The following ZMAT1 variants were observed in gnomAD, a reference collection of about 807,000 sequenced individuals.
ZMAT1 encodes zinc finger matrin-type protein 1.
ZMAT1 carries 11 observed loss-of-function variants against 18.5 expected under a neutral mutation model. The observed-to-expected ratio is 0.59, with a 90% CI of 0.37 to 0.98. The LOEUF is 0.98. Ranked by LOEUF, ZMAT1 falls within the 50% of genes least tolerant of loss-of-function variation. ZMAT1 has a pLI of 0.01. For missense variants in ZMAT1, 525 were observed against 496.2 expected, an observed-to-expected ratio of 1.06 and a Z score of -0.55; for synonymous variants, 211 against 176.4, an observed-to-expected ratio of 1.20 and a Z score of -1.55.
In ZMAT1 at chrX:101,931,761, C is replaced by T; in HGVS notation, c.248G>A (p.Gly83Glu). 3 of 772,612 alleles carry T rather than the reference C, an allele frequency of 3.9e-6. No homozygotes were observed. Among genetic ancestry groups the T allele is most frequent in the Non-Finnish European group, 3.1e-6 (2 of 652,437 alleles). 63.7% of individuals were successfully genotyped at this position (772,612 alleles called of 1,213,427 possible). Reference protein sequence around the residue: ...GGSTMAAAGRGGSSFKVDTRP... With the variant: ...GGSTMAAAGREGSSFKVDTRP... ...GGTGTCTACTTTAAAACTACTGCCC[C>T]CCCTCCCCGCCGCCGCCATAGTGGA... Residue 83 changes from glycine (G) to glutamate (E), a missense_variant, in exon 1 of 6, where the codon GGG becomes GAG. By Grantham distance (98) the Gly-to-Glu change is moderately conservative. Transcript: ENST00000651725.
chrX:101,931,477 T>C, intron 1 of ZMAT1: 3 of 754,394 alleles, frequency 4.0e-6, no homozygotes, highest in Non-Finnish European at 3.1e-6. Flanking sequence ...TGCAATTCTT[T>C]TGCCTGGGGG....
chrX:101,918,484 A>ACACACACACACACAC (rs1556306634), intron 1 of ZMAT1: 4 of 104,772 alleles, frequency 3.8e-5, no homozygotes, highest in Non-Finnish European at 5.8e-5. Context: ...ACACACACAC[A>ACACACACACACACAC]AAAATTAGCT....
chrX:101,915,470 T>C (rs1186420652), intron 1 of ZMAT1: 4 of 111,710 alleles, frequency 3.6e-5, no homozygotes, highest in African/African-American at 1.3e-4. Flanking sequence ...AAGTAAACTA[T>C]TAGAACTGAT....
At chrX:101,894,372 T>C in intron 4 of ZMAT1, 2 of 706,075 alleles carry the variant, frequency 2.8e-6, no homozygotes, top group Non-Finnish European at 1.7e-6. Context: ...GAGAGTAGTA[T>C]TCAGGAGGTA....
intron 1 of ZMAT1, among the ~76,000 whole-genome samples, chrX:101,923,421 C>T (rs146369802): frequency 0.019 from 2,151 of 111,363 alleles, 58 homozygotes; most frequent in African/African-American, 0.067. Flanking sequence ...GGAATATATA[C>T]GGAAGCAAAA....
At chrX:101,930,976 G>C (rs974815562) in intron 1 of ZMAT1, among the ~76,000 whole-genome samples, 2 of 111,876 alleles carry the variant, frequency 1.8e-5, no homozygotes, top group Admixed American at 1.9e-4. Flanking sequence ...AGATGGACCT[G>C]TAAATCTTGC....
At chrX:101,905,991 A>G (rs1276398023) in intron 1 of ZMAT1, among the ~76,000 whole-genome samples, 3 of 111,252 alleles carry the variant, frequency 2.7e-5, no homozygotes, top group African/African-American at 9.8e-5. Flanking sequence ...GTTTTACACT[A>G]TCAGCATCAG....
At chrX:101,929,075 T>A (rs1380787918) in intron 1 of ZMAT1, among the ~76,000 whole-genome samples, 2 of 76,204 alleles carry the variant, frequency 2.6e-5, no homozygotes, top group Admixed American at 2.6e-4. Context: ...ATTTGTAATC[T>A]TTGAAAGCTT....
intron 5 of ZMAT1, among the ~76,000 whole-genome samples, chrX:101,885,110 G>C (rs1926840344): frequency 1.8e-5 from 2 of 110,351 alleles, no homozygotes; most frequent in Non-Finnish European, 3.8e-5. Context: ...CAATTTTTAT[G>C]CAAAAAAGAA....
intron 1 of ZMAT1, among the ~76,000 whole-genome samples, chrX:101,913,785 C>T (rs1308074546): frequency 2.7e-5 from 3 of 111,857 alleles, no homozygotes; most frequent in Non-Finnish European, 5.6e-5. Context: ...GAAAGATCTT[C>T]CAGACAGAAA....
intron 1 of ZMAT1, among the ~76,000 whole-genome samples, chrX:101,931,176 C>T (rs1022650491): frequency 8.9e-6 from 1 of 112,182 alleles, no homozygotes; most frequent in Non-Finnish European, 1.9e-5. Context: ...AAATTTCTAA[C>T]GCCATCTCTC....
At position 101,884,311 on chromosome X, in the gene ZMAT1, T is replaced by C; in HGVS notation, c.1287A>G (p.Pro429=). ...QTYQRPYHIS[P]VESQLPQWLP... is the part of the protein sequence containing the mutation. Reference sequence around the variant, plus strand: ...GCCACTGAGGTAACTGGCTTTCCACTGGTGAAATATGGTATGGTCGTTGGT... The same window carrying C: ...GCCACTGAGGTAACTGGCTTTCCACCGGTGAAATATGGTATGGTCGTTGGT... The change falls in exon 6 of 6, where the codon CCA becomes CCG. Residue 429 remains proline, a synonymous_variant. Coordinates refer to ENST00000651725, the MANE Select transcript of ZMAT1 (RefSeq NM_001394560.1). The C allele has an allele frequency of 8.3e-7, 1 of 1,210,876 alleles. No individual in the cohort carries two copies. Among genetic ancestry groups the C allele is most frequent in the Non-Finnish European group, 1.1e-6 (1 of 895,153 alleles).
chrX:101,921,537 T>C (rs1929725272), intron 1 of ZMAT1, among the ~76,000 whole-genome samples: 1 of 112,057 alleles, frequency 8.9e-6, no homozygotes, highest in South Asian at 3.7e-4. Flanking sequence ...CACAATCACT[T>C]TAATACTGTA....
intron 1 of ZMAT1, among the ~76,000 whole-genome samples, chrX:101,929,571 G>C (rs1257885388): frequency 1.8e-4 from 19 of 108,173 alleles, no homozygotes; most frequent in African/African-American, 3.3e-4. Context: ...AAGTGAAAAG[G>C]TGAGAGAATT....
Position 101,929,462 on chromosome X carries a change from C to CAG in ZMAT1, c.292+2253_292+2254dup, listed in dbSNP as rs1180169221. ...ATATATATATATATATATATACACA[C>CAG]AGAGAGAGAGAGAGAGAGAGAGAGA... is the stretch of plus-strand genomic sequence containing the variant. On this transcript the variant is annotated intron_variant, in intron 1 of 5. Transcript: ENST00000651725. 2.9e-3 allele frequency among the ~76,000 whole-genome samples: 195 copies of CAG among 66,360 alleles called. 4 individuals carry two copies. The East Asian group carries it at 0.039, about 13-fold the overall frequency. 57.6% of individuals were successfully genotyped at this position (66,360 alleles called of 115,157 possible).
In ZMAT1 at chrX:101,884,005, A is replaced by C. The variant is rs144330375; in HGVS notation, c.1593T>G (p.Asp531Glu). Reference sequence around the variant, plus strand: ...TAATAGAATCTAGTCTCTGTTTGCTATCATGAGCTGGTAAGCAATGAGGTA... The same window carrying C: ...TAATAGAATCTAGTCTCTGTTTGCTCTCATGAGCTGGTAAGCAATGAGGTA... Reference protein sequence around the residue: ...NQLPHCLPAHDSKQRLDSISY... With the variant: ...NQLPHCLPAHESKQRLDSISY... Residue 531 changes from aspartate to glutamate, a missense_variant, in exon 6 of 6, where the codon GAT becomes GAG. By Grantham distance (45) the Asp-to-Glu change is conservative. Coordinates refer to ENST00000651725, the MANE Select transcript of ZMAT1 (RefSeq NM_001394560.1). 3.3e-6 allele frequency: 4 copies of C among 1,208,735 alleles called. No individual in the cohort carries two copies. Among genetic ancestry groups the C allele is most frequent in the East Asian group, 5.9e-5 (2 of 33,707 alleles).
chrX:101,914,304 A>G (rs1929154843), intron 1 of ZMAT1, among the ~76,000 whole-genome samples: 1 of 111,178 alleles, frequency 9.0e-6, no homozygotes, highest in African/African-American at 3.3e-5. Context: ...AAAAACAGCA[A>G]AACAACCCCC....
In ZMAT1 at chrX:101,898,343, T is replaced by C. The variant is rs1603277087; in HGVS notation, c.400-123A>G. 5 of 521,013 alleles carry C rather than the reference T, an allele frequency of 9.6e-6. No homozygotes were observed. The Admixed American group carries it at 2.0e-4, about 20-fold the overall frequency. 42.9% of individuals were successfully genotyped at this position (521,013 alleles called of 1,213,427 possible). A position where few individuals can be genotyped will look rare whatever the true frequency, so the allele number is the denominator to read the frequency against. ...ATATTTAGTCAAACTTGGTACAGAC[T>C]CACATGATTTCAAATCTCTAAATGT... On this transcript the variant is annotated intron_variant, in intron 2 of 5. Transcript: ENST00000651725.
At chrX:101,885,854 T>C (rs976789714) in intron 5 of ZMAT1, among the ~76,000 whole-genome samples, 1 of 110,210 alleles carries the variant, frequency 9.1e-6, no homozygotes, top group Admixed American at 9.7e-5. Flanking sequence ...TGGCTAATTT[T>C]TCTTTTTTCT....
Sources: allele counts gnomAD v4.1 joint callset (sites outside exome capture counted in the v4.1 genomes callset), GRCh38; gene constraint gnomAD v4.1.1; transcripts MANE v1.5; gene names NCBI Gene and HGNC (gene_info 2026-07-23, HGNC 2026-07-21).